DCC: variants seen among roughly 807,000 people sequenced by gnomAD.
DCC encodes netrin receptor DCC.
A neutral mutation model predicts 172.5 loss-of-function variants in DCC; 58 were observed. The ratio of observed to expected loss-of-function variants is 0.34; its 90% CI spans 0.27 to 0.42. The LOEUF is 0.42. Among genes scored for constraint, DCC ranks in the 10% least tolerant of loss-of-function variants. The pLI, the probability that DCC is intolerant of heterozygous loss-of-function variation, is 1.00. For synonymous variants in DCC, 709 were observed against 644.5 expected (o/e 1.10, Z -1.52); for missense variants, 1,740 against 1,791.0 (o/e 0.97, Z 0.51).
chr18:52,971,511 G>GCACA (rs146688489), intron 5 of DCC, among the ~76,000 whole-genome samples: 23 of 148,672 alleles, frequency 1.5e-4, no homozygotes, highest in East Asian at 8.0e-4. Context: ...GTGTGTGCGC[G>GCACA]CACACACACA....
At chr18:53,345,577 C>T (rs995487168) in intron 15 of DCC, among the ~76,000 whole-genome samples, 1 of 152,058 alleles carries the variant, frequency 6.6e-6, no homozygotes, top group Non-Finnish European at 1.5e-5. Flanking sequence ...TTCATTTGTA[C>T]CTGAAGATGA....
At chr18:52,603,798 T>C (rs1290977109) in intron 1 of DCC, among the ~76,000 whole-genome samples, 1 of 152,078 alleles carries the variant, frequency 6.6e-6, no homozygotes, top group Admixed American at 6.6e-5. Flanking sequence ...AGCTAAGCTT[T>C]CTTTAGAGCA....
chr18:53,299,717 A>C (rs2057110057), intron 12 of DCC, among the ~76,000 whole-genome samples: 1 of 152,232 alleles, frequency 6.6e-6, no homozygotes, highest in Admixed American at 6.5e-5. Flanking sequence ...TAACAACTAA[A>C]TGAATTAGAC....
chr18:53,206,506 CTA>C (rs2055646033), intron 10 of DCC, among the ~76,000 whole-genome samples: 1 of 134,760 alleles, frequency 7.4e-6, no homozygotes, highest in Non-Finnish European at 1.6e-5. Context: ...TATTACATAT[CTA>C]TGTATATACA....
intron 15 of DCC, among the ~76,000 whole-genome samples, chr18:53,366,619 G>C (rs1211802589): frequency 2.0e-5 from 3 of 152,098 alleles, no homozygotes; most frequent in Non-Finnish European, 4.4e-5. Flanking sequence ...TCCTCTTCTG[G>C]AAGAAATTTT....
intron 5 of DCC, among the ~76,000 whole-genome samples, chr18:52,984,260 A>T (rs2041257759): frequency 6.6e-6 from 1 of 152,132 alleles, no homozygotes; most frequent in African/African-American, 2.4e-5. Context: ...ATTTTATAGA[A>T]ATAGAATTTT....
intron 15 of DCC, among the ~76,000 whole-genome samples, chr18:53,343,423 T>G (rs2057685328): frequency 6.6e-6 from 1 of 151,962 alleles, no homozygotes; most frequent in Non-Finnish European, 1.5e-5. Flanking sequence ...ATGAACTTTT[T>G]TTTTCTTTTT....
At chr18:53,076,913 C>A (rs2042731839) in intron 7 of DCC, among the ~76,000 whole-genome samples, 1 of 152,120 alleles carries the variant, frequency 6.6e-6, no homozygotes, top group Admixed American at 6.6e-5. Context: ...GAGCCCATGC[C>A]AGTGAGCAAT....
intron 22 of DCC, among the ~76,000 whole-genome samples, chr18:53,445,099 T>C (rs1248105403): frequency 1.3e-5 from 2 of 152,236 alleles, no homozygotes; most frequent in East Asian, 3.8e-4. Flanking sequence ...CAAGGAACTG[T>C]ACCCCCATAA....
chr18:52,562,457 A>G (rs1053716204), intron 1 of DCC, among the ~76,000 whole-genome samples: 5 of 152,116 alleles, frequency 3.3e-5, no homozygotes, highest in African/African-American at 1.2e-4. Context: ...CACTGTTCTT[A>G]CTTTATTTAG....
chr18:52,709,292 G>A (rs1410539786), intron 1 of DCC, among the ~76,000 whole-genome samples: 1 of 152,156 alleles, frequency 6.6e-6, no homozygotes, highest in Non-Finnish European at 1.5e-5. Context: ...AACACATCAT[G>A]CTACTTATAG....
chr18:52,579,811 T>C (rs554001700), intron 1 of DCC, among the ~76,000 whole-genome samples: 21 of 152,290 alleles, frequency 1.4e-4, no homozygotes, highest in African/African-American at 5.1e-4. Flanking sequence ...CAACTGATTT[T>C]AGAAAAGGCA....
chr18:53,419,979 G>A (rs1910543158), intron 21 of DCC, among the ~76,000 whole-genome samples: 2 of 151,960 alleles, frequency 1.3e-5, no homozygotes, highest in African/African-American at 4.8e-5. Flanking sequence ...TCAGCCTCCT[G>A]AGTAACTGGG....
chr18:52,964,053 C>G (rs1405663502), intron 5 of DCC, among the ~76,000 whole-genome samples: 1 of 152,060 alleles, frequency 6.6e-6, no homozygotes, highest in Non-Finnish European at 1.5e-5. Flanking sequence ...AAATAATTCT[C>G]TTGATATGAT....
At chr18:52,808,909 A>T (rs17469990) in intron 2 of DCC, among the ~76,000 whole-genome samples, 3 of 152,180 alleles carry the variant, frequency 2.0e-5, no homozygotes, top group Non-Finnish European at 4.4e-5. Context: ...TGACCAATTA[A>T]AGCTCTTTCT....
intron 27 of DCC, among the ~76,000 whole-genome samples, chr18:53,523,005 C>T (rs1198790381): frequency 6.6e-6 from 1 of 152,108 alleles, no homozygotes; most frequent in African/African-American, 2.4e-5. Flanking sequence ...AAATTTTTTG[C>T]AGTCTATCCA....
intron 2 of DCC, among the ~76,000 whole-genome samples, chr18:52,811,664 T>TA (rs1051924487): frequency 6.6e-6 from 1 of 151,846 alleles, no homozygotes; most frequent in African/African-American, 2.4e-5. Context: ...TTATTAAACA[T>TA]AAAAAGAATT....
intron 12 of DCC, among the ~76,000 whole-genome samples, chr18:53,234,665 C>T (rs76913687): frequency 0.015 from 2,322 of 152,192 alleles, 67 homozygotes; most frequent in African/African-American, 0.053. Context: ...TAGGCACATC[C>T]AAATCCCTTG....
intron 1 of DCC, among the ~76,000 whole-genome samples, chr18:52,358,229 T>C (rs1984464620): frequency 6.6e-6 from 1 of 152,182 alleles, no homozygotes; most frequent in South Asian, 2.1e-4. Flanking sequence ...ACAAGCTCTC[T>C]AGGTGATTCT....
Sources: gnomAD v4.1 joint callset for allele counts (sites outside exome capture counted in the v4.1 genomes callset) on GRCh38, gnomAD v4.1.1 for gene constraint, MANE v1.5 for transcripts, NCBI Gene and HGNC (gene_info 2026-07-23, HGNC 2026-07-21) for gene names.